The following LOXL2 variants were observed in gnomAD, a reference collection of about 807,000 sequenced individuals.
The protein encoded by LOXL2 is lysyl oxidase homolog 2.
A neutral mutation model predicts 93.0 loss-of-function variants in LOXL2; 70 were observed. The observed-to-expected ratio is 0.75, with a 90% confidence interval of 0.62 to 0.92. The LOEUF (loss-of-function observed/expected upper bound fraction) is 0.92, where lower values mean the gene tolerates loss of function less well. Among genes scored for constraint, LOXL2 ranks in the 40% least tolerant of loss-of-function variants. The pLI is 0.00. For missense variants in LOXL2, 973 were observed against 1,054.9 expected (o/e 0.92, Z 1.08); for synonymous variants, 438 against 413.2 (o/e 1.06, Z -0.73).
At chr8:23,346,914 A>G (rs2117189102) in intron 3 of LOXL2, among the ~76,000 whole-genome samples, 1 of 152,346 alleles carries the variant, frequency 6.6e-6, no homozygotes, top group South Asian at 2.1e-4. Context: ...AGAATGCATG[A>G]GTGTCAACTC....
intron 1 of LOXL2, among the ~76,000 whole-genome samples, chr8:23,394,940 G>A (rs1398888170): frequency 6.6e-6 from 1 of 152,108 alleles, no homozygotes; most frequent in Non-Finnish European, 1.5e-5. Context: ...AAAAAGTAAC[G>A]AGATACTGAC....
chr8:23,362,011 G>T (rs956207918), intron 2 of LOXL2, among the ~76,000 whole-genome samples: 3 of 152,164 alleles, frequency 2.0e-5, no homozygotes, highest in African/African-American at 7.2e-5. Flanking sequence ...ATTACCATAT[G>T]ATCCAGCAAA....
intron 9 of LOXL2, among the ~76,000 whole-genome samples, chr8:23,312,894 G>C (rs1585345123): frequency 8.1e-6 from 1 of 123,462 alleles, no homozygotes; most frequent in African/African-American, 3.3e-5. Flanking sequence ...TGTATATCTA[G>C]AAAACCCCAT....
At position 23,338,083 on chromosome 8, in the gene LOXL2, A is replaced by G. The variant is rs149804019; in HGVS notation, c.743+2909T>C. ...AAGGAGGAACAAAGGCACGTCTTAC[A>G]TGACAGCAGGCAAGAGAGCGTGTGC... On this transcript the variant is annotated intron_variant, in intron 4 of 13. Transcript: ENST00000389131. Among the ~76,000 whole-genome samples the G allele has an allele frequency of 3.7e-3, 559 of 152,352 alleles. 1 individual carries two copies. Among genetic ancestry groups the G allele is most frequent in the Non-Finnish European group, 6.2e-3 (423 of 68,032 alleles).
At chr8:23,396,769 T>C (rs1800095040) in intron 1 of LOXL2, among the ~76,000 whole-genome samples, 3 of 152,256 alleles carry the variant, frequency 2.0e-5, no homozygotes, top group East Asian at 3.8e-4. Context: ...GAAGCAGCCA[T>C]GTTTGGGCAT....
intron 1 of LOXL2, among the ~76,000 whole-genome samples, chr8:23,370,289 T>C (rs1024499165): frequency 1.3e-5 from 2 of 152,144 alleles, no homozygotes; most frequent in Admixed American, 6.6e-5. Context: ...CAATCCTTCC[T>C]GTTCTTCACA....
At chr8:23,332,519 TAC>T (rs1461195150) in intron 5 of LOXL2, among the ~76,000 whole-genome samples, 2 of 44,860 alleles carry the variant, frequency 4.5e-5, no homozygotes, top group African/African-American at 9.6e-5. Flanking sequence ...TACACATCCC[TAC>T]ACACACCCCC....
At chr8:23,300,929 C>G (rs1333399101) in intron 12 of LOXL2, among the ~76,000 whole-genome samples, 1 of 152,204 alleles carries the variant, frequency 6.6e-6, no homozygotes, top group Non-Finnish European at 1.5e-5. Flanking sequence ...ATAAATAACT[C>G]TCTGGTTAGG....
chr8:23,316,575 C>A (rs986913853), intron 9 of LOXL2, among the ~76,000 whole-genome samples: 3 of 152,142 alleles, frequency 2.0e-5, no homozygotes, highest in Admixed American at 1.3e-4. Context: ...ACAGGAAATG[C>A]TCTACAGAGG....
intron 5 of LOXL2, among the ~76,000 whole-genome samples, chr8:23,329,584 C>T (rs1184211707): frequency 2.0e-5 from 3 of 152,048 alleles, no homozygotes; most frequent in Non-Finnish European, 4.4e-5. Context: ...TGCATGTATG[C>T]GTGTGTGTGT....
At chr8:23,357,494 G>A (rs1804219503) in intron 3 of LOXL2, among the ~76,000 whole-genome samples, 3 of 152,188 alleles carry the variant, frequency 2.0e-5, no homozygotes. Flanking sequence ...CACAAACAGT[G>A]TGTGTTAATT....
intron 6 of LOXL2, 46 bp downstream of exon 6, chr8:23,328,336 C>T: frequency 6.3e-7 from 1 of 1,597,192 alleles, no homozygotes; most frequent in Non-Finnish European, 8.6e-7. Context: ...CTCACGGCAC[C>T]ATGCTCCCAG....
At chr8:23,376,034 CT>C (rs534196081) in intron 1 of LOXL2, among the ~76,000 whole-genome samples, 131 of 152,264 alleles carry the variant, frequency 8.6e-4, no homozygotes, top group Non-Finnish European at 1.5e-3. Flanking sequence ...AAAGGGAATG[CT>C]TCCAGTTTTT....
chr8:23,400,703 G>A (rs947569462), intron 1 of LOXL2, among the ~76,000 whole-genome samples: 6 of 152,106 alleles, frequency 3.9e-5, no homozygotes, highest in Non-Finnish European at 1.5e-5. Context: ...GCTCAGAGAG[G>A]GGAGATTGTC....
intron 9 of LOXL2, among the ~76,000 whole-genome samples, chr8:23,310,486 A>G (rs1803306715): frequency 6.6e-6 from 1 of 152,242 alleles, no homozygotes; most frequent in African/African-American, 2.4e-5. Flanking sequence ...ACATATATCC[A>G]TTACAGCACA....
chr8:23,308,318 G>C (rs567221411), intron 10 of LOXL2, among the ~76,000 whole-genome samples: 3 of 151,916 alleles, frequency 2.0e-5, no homozygotes, highest in African/African-American at 7.2e-5. Flanking sequence ...GTGTCGGTCT[G>C]CCACGGGCCC....
intron 3 of LOXL2, among the ~76,000 whole-genome samples, chr8:23,345,708 A>G (rs1803960630): frequency 1.3e-5 from 2 of 150,012 alleles, no homozygotes; most frequent in South Asian, 4.2e-4. Flanking sequence ...GAAAGTGTGA[A>G]ATATTAAAAT....
chr8:23,299,500 T>C (rs1803091973), intron 12 of LOXL2, among the ~76,000 whole-genome samples: 1 of 152,130 alleles, frequency 6.6e-6, no homozygotes, highest in South Asian at 2.1e-4. Flanking sequence ...CTGGAGAAGT[T>C]GCACCCTCTC....
intron 3 of LOXL2, among the ~76,000 whole-genome samples, chr8:23,350,872 G>A (rs1804081237): frequency 6.6e-6 from 1 of 152,162 alleles, no homozygotes; most frequent in Non-Finnish European, 1.5e-5. Context: ...TGGAGAACGG[G>A]CAAGCCCTGC....
Sources: gnomAD v4.1 joint callset for allele counts (sites outside exome capture counted in the v4.1 genomes callset) on GRCh38, gnomAD v4.1.1 for gene constraint, MANE v1.5 for transcripts, NCBI Gene and HGNC (gene_info 2026-07-23, HGNC 2026-07-21) for gene names.